Variants in FAM3D observed in about 807,000 individuals in gnomAD.
FAM3D encodes the protein protein FAM3D.
A neutral mutation model predicts 29.8 loss-of-function variants in FAM3D; 26 were observed. The ratio of observed to expected loss-of-function variants is 0.87; its 90% CI spans 0.64 to 1.21. FAM3D has a LOEUF of 1.21. Ranked by LOEUF, FAM3D falls within the 50% of genes most tolerant of loss-of-function variation. The pLI is 0.00. For missense variants in FAM3D, 253 were observed against 290.9 expected (o/e 0.87, Z 0.95); for synonymous variants, 115 against 102.3 (o/e 1.12, Z -0.75).
At chr3:58,661,815 G>A (rs2066936154) in intron 1 of FAM3D, among the ~76,000 whole-genome samples, 1 of 152,210 alleles carries the variant, frequency 6.6e-6, no homozygotes, top group Admixed American at 6.5e-5. Context: ...TAATCAAGCA[G>A]GCTTTCTTGC....
At chr3:58,646,373 C>T (rs2066480753) in intron 4 of FAM3D, among the ~76,000 whole-genome samples, 1 of 152,210 alleles carries the variant, frequency 6.6e-6, no homozygotes, top group Non-Finnish European at 1.5e-5. Flanking sequence ...CTAAGACCTG[C>T]ATCTTCTCCA....
intron 9 of FAM3D, among the ~76,000 whole-genome samples, chr3:58,636,022 T>A (rs1575467040): frequency 6.6e-6 from 1 of 152,310 alleles, no homozygotes; most frequent in East Asian, 1.9e-4. Context: ...CACTTGCCCA[T>A]CATCCTTCTT....
intron 9 of FAM3D, 137 bp downstream of exon 9, chr3:58,636,157 G>T: frequency 7.3e-7 from 1 of 1,378,200 alleles, no homozygotes; most frequent in Non-Finnish European, 9.7e-7. Flanking sequence ...CCTTTGGAGT[G>T]AATGACAGCC....
intron 1 of FAM3D, among the ~76,000 whole-genome samples, chr3:58,657,273 G>T (rs1188741265): frequency 6.6e-6 from 1 of 151,916 alleles, no homozygotes; most frequent in Non-Finnish European, 1.5e-5. Flanking sequence ...CAGAGAGATG[G>T]GGTTGGATGG....
intron 3 of FAM3D, among the ~76,000 whole-genome samples, chr3:58,651,700 A>G (rs915073777): frequency 6.6e-6 from 1 of 151,254 alleles, no homozygotes; most frequent in Non-Finnish European, 1.5e-5. Flanking sequence ...CCCCTCTCCC[A>G]CCTCGGACTG....
intron 3 of FAM3D, among the ~76,000 whole-genome samples, chr3:58,651,648 T>C (rs1575485045): frequency 6.6e-6 from 1 of 152,018 alleles, no homozygotes. Context: ...GGTAGTTGAG[T>C]ACTGAGAGAG....
chr3:58,660,427 C>G (rs2066908797), intron 1 of FAM3D, among the ~76,000 whole-genome samples: 1 of 152,192 alleles, frequency 6.6e-6, no homozygotes. Flanking sequence ...CTTTCATCCT[C>G]TAAATGGTCC....
chr3:58,650,732 T>G (rs1316235272), intron 3 of FAM3D, among the ~76,000 whole-genome samples: 2 of 152,226 alleles, frequency 1.3e-5, no homozygotes, highest in African/African-American at 4.8e-5. Context: ...ATTTTTATTT[T>G]TTTGAGACAG....
chr3:58,640,763 G>C (rs1486615339), intron 6 of FAM3D, among the ~76,000 whole-genome samples: 1 of 152,252 alleles, frequency 6.6e-6, no homozygotes, highest in African/African-American at 2.4e-5. Flanking sequence ...AGGGAACCGA[G>C]TCTTCTGGAG....
intron 3 of FAM3D, among the ~76,000 whole-genome samples, chr3:58,650,964 G>T (rs867950937): frequency 1.3e-5 from 2 of 149,580 alleles, no homozygotes; most frequent in Non-Finnish European, 3.0e-5. Flanking sequence ...TGATCTGCCC[G>T]CCTCGGCATC....
chr3:58,655,218 C>T (rs1434725666), intron 2 of FAM3D, among the ~76,000 whole-genome samples: 3 of 152,104 alleles, frequency 2.0e-5, no homozygotes, highest in East Asian at 3.9e-4. Context: ...AAGGCCTTTG[C>T]CTCCCTCTAG....
chr3:58,657,054 T>C (rs1187484302), intron 1 of FAM3D, among the ~76,000 whole-genome samples: 1 of 152,138 alleles, frequency 6.6e-6, no homozygotes, highest in Admixed American at 6.6e-5. Context: ...CACAGAAAAA[T>C]TGTGGAACTT....
chr3:58,650,069 A>T (rs546128520), intron 3 of FAM3D, among the ~76,000 whole-genome samples: 139 of 152,196 alleles, frequency 9.1e-4, no homozygotes, highest in Non-Finnish European at 1.5e-3. Context: ...GCCCTTGGCC[A>T]CTTCCTGAAA....
chr3:58,649,277 T>A, intron 4 of FAM3D, 38 bp downstream of exon 4: 1 of 1,603,514 alleles, frequency 6.2e-7, no homozygotes, highest in East Asian at 2.2e-5. Flanking sequence ...GGTGAGTGGA[T>A]GAGGTCGGGG....
At chr3:58,658,019 G>T (rs1258494948) in intron 1 of FAM3D, among the ~76,000 whole-genome samples, 2 of 152,168 alleles carry the variant, frequency 1.3e-5, no homozygotes, top group African/African-American at 4.8e-5. Flanking sequence ...AAGTGGCAGT[G>T]GAAAGGGAGG....
intron 3 of FAM3D, 36 bp downstream of exon 3, chr3:58,653,638 C>G: frequency 6.3e-7 from 1 of 1,585,984 alleles, no homozygotes; most frequent in East Asian, 2.2e-5. Flanking sequence ...CAGGCCTGGT[C>G]TGCAGTTCCT....
rs748876694 is a variant in FAM3D at position 58,649,406 on chromosome 3, G to A, written c.122-68C>T. 4 of 1,590,228 alleles carry A rather than the reference G, an allele frequency of 2.5e-6. No homozygotes were observed. The Middle Eastern group carries it at 5.0e-4, about 198-fold the overall frequency. On this transcript the variant is annotated intron_variant, in intron 3 of 9. Coordinates refer to ENST00000358781, the MANE Select transcript of FAM3D (RefSeq NM_138805.3). ...ACCCTCCTGCAGGATGGAGGTTGGG[G>A]GCTGGGGGCTGGGGAGTGGGAATAA...
At chr3:58,659,492 AC>A (rs2066891507) in intron 1 of FAM3D, among the ~76,000 whole-genome samples, 1 of 152,156 alleles carries the variant, frequency 6.6e-6, no homozygotes. Flanking sequence ...GGAGCAGTGC[AC>A]CCTGGTGGAG....
At chr3:58,647,481 G>A (rs571775351) in intron 4 of FAM3D, among the ~76,000 whole-genome samples, 28 of 152,296 alleles carry the variant, frequency 1.8e-4, no homozygotes, top group East Asian at 1.9e-4. Flanking sequence ...CCCCTCACCC[G>A]GGGATCTCAC....
Sources: gnomAD v4.1 joint callset for allele counts (sites outside exome capture counted in the v4.1 genomes callset) on GRCh38, gnomAD v4.1.1 for gene constraint, MANE v1.5 for transcripts, NCBI Gene and HGNC (gene_info 2026-07-23, HGNC 2026-07-21) for gene names.